Variants in RABEP1 observed in about 807,000 individuals in gnomAD.
RABEP1 encodes rab GTPase-binding effector protein 1.
RABEP1 carries 51 observed loss-of-function variants against 123.4 expected under a neutral mutation model. The ratio of observed to expected loss-of-function variants is 0.41; its 90% confidence interval spans 0.33 to 0.52. RABEP1 has a LOEUF of 0.52. RABEP1 is among the 20% of genes least tolerant of loss of function. The pLI is 0.16. For missense variants in RABEP1, 888 were observed against 996.3 expected (o/e 0.89, Z 1.46); for synonymous variants, 347 against 355.2 (o/e 0.98, Z 0.26).
chr17:5,315,678 C>G (rs1317252233), intron 2 of RABEP1, among the ~76,000 whole-genome samples: 1 of 151,962 alleles, frequency 6.6e-6, no homozygotes, highest in East Asian at 1.9e-4. Flanking sequence ...TGATGAAACC[C>G]CATCTCTACT....
At chr17:5,360,936 T>G (rs1266413987) in intron 8 of RABEP1, 3 of 423,762 alleles carry the variant, frequency 7.1e-6, no homozygotes, top group Non-Finnish European at 8.6e-6. Context: ...TTTATCACAG[T>G]ATTATAACAG....
intron 15 of RABEP1, among the ~76,000 whole-genome samples, chr17:5,379,879 T>G (rs1459282477): frequency 6.6e-6 from 1 of 151,898 alleles, no homozygotes; most frequent in Non-Finnish European, 1.5e-5. Flanking sequence ...CTCACACCTC[T>G]CTGCCTCAGT....
chr17:5,292,997 T>A (rs1303449030), intron 1 of RABEP1, among the ~76,000 whole-genome samples: 1 of 152,118 alleles, frequency 6.6e-6, no homozygotes, highest in Non-Finnish European at 1.5e-5. Context: ...TCTTATTAAT[T>A]TATAAATATT....
chr17:5,324,134 A>G (rs957379157), intron 2 of RABEP1, among the ~76,000 whole-genome samples: 2 of 152,140 alleles, frequency 1.3e-5, no homozygotes, highest in African/African-American at 2.4e-5. Context: ...CCAAAGCTAT[A>G]CTTAGCAAAG....
At position 5,331,941 on chromosome 17, in the gene RABEP1, C is replaced by T; in HGVS notation, c.164-8C>T. ...CATTAATGGACTATCTTTTACTTTT[C>T]TCTCCAGAGGATCTGAAGAGGCAAA... On this transcript the variant is annotated splice_region_variant and splice_polypyrimidine_tract_variant and intron_variant, in intron 2 of 17. Transcript: ENST00000537505. The T allele has an allele frequency of 3.1e-6, 5 of 1,613,284 alleles. No individual in the cohort carries two copies. Among genetic ancestry groups the T allele is most frequent in the Non-Finnish European group, 3.4e-6 (4 of 1,179,412 alleles).
Position 5,368,401 on chromosome 17 carries a change from C to G in RABEP1, c.1817C>G (p.Ser606Cys), listed in dbSNP as rs560237513. Residue 606 changes from serine to cysteine, a missense_variant, in exon 12 of 18, where the codon TCC becomes TGC. Transcript: ENST00000537505. The stretch of plus-strand genomic sequence containing the variant: ...GCACTCGTCCTAAGAGCCCAGGCCT[C>G]CGAGATCTTACTTGAAGAGTTACAG... ...ISALVLRAQA[S>C]EILLEELQQG... 7.4e-6 allele frequency: 12 copies of G among 1,613,714 alleles called. No homozygotes were observed. Among genetic ancestry groups the G allele is most frequent in the Non-Finnish European group, 9.3e-6 (11 of 1,179,910 alleles).
At chr17:5,290,309 C>G (rs867728241) in intron 1 of RABEP1, among the ~76,000 whole-genome samples, 1 of 152,126 alleles carries the variant, frequency 6.6e-6, no homozygotes, top group Non-Finnish European at 1.5e-5. Flanking sequence ...AGGATGGTCT[C>G]GCTCTCCTGA....
intron 8 of RABEP1, among the ~76,000 whole-genome samples, chr17:5,355,492 C>G (rs1045392024): frequency 6.6e-6 from 1 of 152,212 alleles, no homozygotes; most frequent in African/African-American, 2.4e-5. Context: ...GCCTCACTTA[C>G]TGCTCTCCAC....
intron 17 of RABEP1, among the ~76,000 whole-genome samples, chr17:5,382,596 A>G (rs1019087509): frequency 5.9e-5 from 9 of 151,834 alleles, no homozygotes; most frequent in African/African-American, 1.7e-4. Flanking sequence ...TACTTAAAAT[A>G]CAAAAATTAG....
rs1342378627 is a variant in RABEP1 at position 5,329,301 on chromosome 17, C to T, written c.164-2648C>T. On this transcript the variant is annotated intron_variant, in intron 2 of 17. Transcript: ENST00000537505. The stretch of plus-strand genomic sequence containing the variant: ...ATCCTAGCACTTTGGGAGGCTGAGG[C>T]GGGCGATCACCTGAGGTCAGGAGTT... Among the ~76,000 whole-genome samples, 4 of 152,110 alleles carry T rather than the reference C, an allele frequency of 2.6e-5. No homozygotes were observed. The South Asian group carries it at 8.3e-4, about 32-fold the overall frequency.
chr17:5,340,863 G>T (rs771276985), intron 5 of RABEP1, among the ~76,000 whole-genome samples: 4 of 150,648 alleles, frequency 2.7e-5, no homozygotes, highest in Non-Finnish European at 5.9e-5. Context: ...CAGGAGAATT[G>T]CTTGAACCCA....
At chr17:5,336,488 G>C (rs550401824) in intron 4 of RABEP1, 1 of 470,928 alleles carries the variant, frequency 2.1e-6, no homozygotes. Flanking sequence ...TCTGTTCTAG[G>C]ATCCCATCCA....
intron 17 of RABEP1, 60 bp from the exon 18 acceptor site, chr17:5,383,058 CCAGT>C (rs1911627322): frequency 1.4e-5 from 19 of 1,337,586 alleles, no homozygotes; most frequent in South Asian, 8.2e-5. Flanking sequence ...CTCAGCTAAA[CCAGT>C]CAAAGTTCAG....
intron 1 of RABEP1, among the ~76,000 whole-genome samples, chr17:5,296,093 C>T (rs1432047677): frequency 2.0e-5 from 3 of 152,032 alleles, no homozygotes; most frequent in Non-Finnish European, 4.4e-5. Flanking sequence ...TAATGGATTT[C>T]TGGATGTTTG....
intron 1 of RABEP1, among the ~76,000 whole-genome samples, chr17:5,283,305 TAA>T (rs776104482): frequency 7.0e-6 from 1 of 142,148 alleles, no homozygotes; most frequent in African/African-American, 2.6e-5. Context: ...CTTGTGGAAC[TAA>T]AAAAAAAAAA....
chr17:5,320,421 C>CAAAAAAAAAAAAAAAAAAA (rs60202531), intron 2 of RABEP1, among the ~76,000 whole-genome samples: 3 of 84,640 alleles, frequency 3.5e-5, no homozygotes, highest in African/African-American at 1.3e-4. Context: ...GCTAACACAC[C>CAAAAAAAAAAAAAAAAAAA]AAAAAAAAAA....
intron 8 of RABEP1, among the ~76,000 whole-genome samples, chr17:5,356,075 C>CTGG (rs1311890886): frequency 6.6e-6 from 1 of 152,164 alleles, no homozygotes; most frequent in African/African-American, 2.4e-5. Context: ...ACTTTCAGAG[C>CTGG]TGGTGTTTTG....
chr17:5,329,328 A>C (rs1389780137), intron 2 of RABEP1, among the ~76,000 whole-genome samples: 1 of 152,124 alleles, frequency 6.6e-6, no homozygotes, highest in Non-Finnish European at 1.5e-5. Flanking sequence ...TCAGGAGTTC[A>C]AGACAAGCCT....
intron 3 of RABEP1, among the ~76,000 whole-genome samples, chr17:5,334,389 G>A (rs990458895): frequency 6.6e-6 from 1 of 151,962 alleles, no homozygotes; most frequent in Non-Finnish European, 1.5e-5. Flanking sequence ...CTGTCACCAC[G>A]CCCAGCTAAT....
Sources: gnomAD v4.1 joint callset for allele counts (sites outside exome capture counted in the v4.1 genomes callset) on GRCh38, gnomAD v4.1.1 for gene constraint, MANE v1.5 for transcripts, NCBI Gene and HGNC (gene_info 2026-07-23, HGNC 2026-07-21) for gene names.